ADAMTS1: variants seen among roughly 807,000 people sequenced by gnomAD.
ADAMTS1 encodes ADAM metallopeptidase with thrombospondin type 1 motif 1, also known as A disintegrin and metalloproteinase with thrombospondin motifs 1.
ADAMTS1 carries 19 observed loss-of-function variants against 87.9 expected under a neutral mutation model. The observed-to-expected ratio is 0.22, with a 90% CI of 0.15 to 0.32. ADAMTS1 has a LOEUF of 0.32. ADAMTS1 is among the 10% of genes least tolerant of loss of function. The probability of loss-of-function intolerance (pLI) is 1.00; values close to 1 mark genes in which losing one functional copy is unlikely to be tolerated. For missense variants in ADAMTS1, 1,240 were observed against 1,259.1 expected (o/e 0.98, Z 0.23); for synonymous variants, 542 against 501.8 (o/e 1.08, Z -1.07).
At position 26,841,979 on chromosome 21, in the gene ADAMTS1, C is replaced by T. The variant is rs1192189547; in HGVS notation, c.1089G>A (p.Gly363=). The change falls in exon 3 of 9, where the codon GGG becomes GGA. Residue 363 remains glycine, a synonymous_variant. Coordinates refer to ENST00000284984, the MANE Select transcript of ADAMTS1 (RefSeq NM_006988.5). ...AILFTRQDLC[G]SQTCDTLGMA... ...TCCCAAGAGTATCACATGTCTGGGA[C>T]CCACACAAGTCCTACAAAAAGCAAA... The T allele has an allele frequency of 1.9e-6, 3 of 1,613,826 alleles. No homozygotes were observed. The highest frequency in any genetic ancestry group is 2.5e-6 in the Non-Finnish European group (3 of 1,179,962).
Position 26,841,148 on chromosome 21 carries a change from G to C in ADAMTS1, c.1228C>G (p.Pro410Ala), listed in dbSNP as rs1985485513. ...GCACACTGCTTTGCATCATCATGTG[G>C]CATGTTAAACACGTGGCCTAGGAAG... is the stretch of plus-strand genomic sequence containing the variant. ...AHELGHVFNM[P>A]HDDAKQCASL... is the part of the protein sequence containing the mutation. The change falls in exon 4 of 9, where the codon CCA (proline) becomes GCA (alanine). Residue 410 changes from proline to alanine, a missense_variant. By Grantham distance (27) the Pro-to-Ala change is conservative. Transcript: ENST00000284984. 6.2e-7 allele frequency: 1 copy of C among 1,613,974 alleles called. No individual in the cohort carries two copies. Among genetic ancestry groups the C allele is most frequent in the African/African-American group, 1.3e-5 (1 of 74,906 alleles).
At position 26,837,756 on chromosome 21, in the gene ADAMTS1, G is replaced by A. The variant is rs765508621; in HGVS notation, c.2727C>T (p.Cys909=). The A allele has an allele frequency of 1.9e-6, 3 of 1,614,036 alleles. No homozygotes were observed. Among genetic ancestry groups the A allele is most frequent in the Admixed American group, 1.7e-5 (1 of 60,006 alleles). Reference sequence around the variant, plus strand: ...ACCACTCCCCCAGCTGCCACTGGGGGCAGGGATGGTCTGCACAAGGTCTGG... The same window carrying A: ...ACCACTCCCCCAGCTGCCACTGGGGACAGGGATGGTCTGCACAAGGTCTGG... ...ASTRPCADHP[C]PQWQLGEWSS... Residue 909 remains cysteine (C), a synonymous_variant, in exon 9 of 9, where the codon TGC becomes TGT. Transcript: ENST00000284984.
intron 7 of ADAMTS1, 40 bp from the exon 8 acceptor site, chr21:26,838,654 A>T (rs1985429267): frequency 6.3e-7 from 1 of 1,587,848 alleles, no homozygotes; most frequent in East Asian, 2.2e-5. Flanking sequence ...ATACAAGCAA[A>T]GGAAGGAGAT....
At position 26,844,326 on chromosome 21, in the gene ADAMTS1, T is replaced by A. The variant is rs1309459094; in HGVS notation, c.629A>T (p.Lys210Ile). 6.2e-7 allele frequency: 1 copy of A among 1,608,724 alleles called. No individual in the cohort carries two copies. Among genetic ancestry groups the A allele is most frequent in the Admixed American group, 1.7e-5 (1 of 59,786 alleles). ...TTCGTCCTCGTCTTCGGTCTCCGCT[T>A]TCCCAGTCGGCCGGGGCTCGTCGTC... ...VVDDEPRPTG[K>I]AETEDEDEGT... The change falls in exon 1 of 9, where the codon AAA (lysine) becomes ATA (isoleucine). Residue 210 changes from lysine to isoleucine, a missense_variant. Lys to Ile is a moderately radical substitution (Grantham distance 102). Transcript: ENST00000284984.
rs1344239904 is a variant in ADAMTS1, at chr21:26,841,348, A to G, written c.1211-183T>C. 8.8e-6 allele frequency: 5 copies of G among 570,956 alleles called. No homozygotes were observed. In the East Asian group the frequency reaches 1.6e-4, roughly 18 times the overall value. 35.4% of individuals were successfully genotyped at this position (570,956 alleles called of 1,614,324 possible). ...ACAAAAATTAGCCGGGTGTGGTGGC[A>G]TGCACCTGTAATCCCAGCTACTGGG... On this transcript the variant is annotated intron_variant, in intron 3 of 8. Transcript: ENST00000284984.
chr21:26,842,237 G>T, intron 2 of ADAMTS1, 102 bp downstream of exon 2: 1 of 1,220,536 alleles, frequency 8.2e-7, no homozygotes, highest in Non-Finnish European at 1.1e-6. Context: ...ATTAAAAAAG[G>T]TTAACTGCAA....
At position 26,842,403 on chromosome 21, in the gene ADAMTS1, T is replaced by C. The variant is rs1459213016; in HGVS notation, c.1013A>G (p.Gln338Arg). ...ATCCCGGTCACTGGGTGGGTTGTGC[T>C]GCTTCTGCCAGTTGCAAAAGTTCCG... ...TLRNFCNWQK[Q>R]HNPPSDRDAE... The change falls in exon 2 of 9, where the codon CAG becomes CGG. Residue 338 changes from glutamine (Q) to arginine (R), a missense_variant. Coordinates refer to ENST00000284984, the MANE Select transcript of ADAMTS1 (RefSeq NM_006988.5). 2 of 1,614,210 alleles carry C rather than the reference T, an allele frequency of 1.2e-6. No individual in the cohort carries two copies. Among genetic ancestry groups the C allele is most frequent in the Non-Finnish European group, 1.7e-6 (2 of 1,180,030 alleles).
intron 3 of ADAMTS1, 50 bp from the exon 4 acceptor site, chr21:26,841,215 C>A (rs368126569): frequency 1.3e-6 from 2 of 1,588,830 alleles, no homozygotes; most frequent in Non-Finnish European, 1.7e-6. Flanking sequence ...TGGCTGGGTG[C>A]GGTGGCTCAC....
rs532486365 is a variant in ADAMTS1, at chr21:26,837,944, C to T, written c.2539G>A (p.Glu847Lys). Reference sequence around the variant, plus strand: ...AAAGTGGGGATAGCATTGAAAGATTCCTTCTTCTTCTTTACGAAGTAGGTG... The same window carrying T: ...AAAGTGGGGATAGCATTGAAAGATTTCTTCTTCTTCTTTACGAAGTAGGTG... The part of the protein sequence containing the change: ...KYTYFVKKKK[E>K]SFNAIPTFSA... Residue 847 changes from glutamate (E) to lysine (K), a missense_variant, in exon 9 of 9, where the codon GAA (glutamate) becomes AAA (lysine). This residue lies in a region of ADAMTS1 where 402 missense variants were observed against 399.1 expected (regional missense o/e 1.01). Transcript: ENST00000284984. The T allele has an allele frequency of 1.2e-6, 2 of 1,614,222 alleles. No homozygotes were observed. The highest frequency in any genetic ancestry group is 1.7e-5 in the Admixed American group (1 of 60,014).
intron 1 of ADAMTS1, chr21:26,843,041 A>T: frequency 7.1e-6 from 2 of 280,856 alleles, no homozygotes; most frequent in Non-Finnish European, 1.4e-5. Context: ...GCCCTGAGTC[A>T]CTCTTTCACA....
chr21:26,842,332 C>T lies in ADAMTS1; in HGVS notation c.1077+7G>A, dbSNP rs115684528. 8.9e-4 allele frequency: 1,433 copies of T among 1,612,360 alleles called. 8 individuals carry two copies. The African/African-American group carries it at 0.014, about 15-fold the overall frequency. On this transcript the variant is annotated splice_region_variant and intron_variant, in intron 2 of 8. Coordinates refer to ENST00000284984, the MANE Select transcript of ADAMTS1 (RefSeq NM_006988.5). ...CAGTCTCACAGCTGGTACCATCTTC[C>T]TCTTACCTGTCTGGTGAAAAGAATT...
Position 26,842,622 on chromosome 21 carries a change from A to T in ADAMTS1, c.794T>A (p.Val265Glu). 1 of 1,614,126 alleles carries T rather than the reference A, an allele frequency of 6.2e-7. No homozygotes were observed. The highest frequency in any genetic ancestry group is 8.5e-7 in the Non-Finnish European group (1 of 1,180,036). ...SSHRYVETML[V>E]ADQSMAEFHG... Reference sequence around the variant, plus strand: ...GAATTCTGCCATCGACTGGTCTGCCACAAGCATGGTTTCCACATAGCGGTG... The same window carrying T: ...GAATTCTGCCATCGACTGGTCTGCCTCAAGCATGGTTTCCACATAGCGGTG... The change falls in exon 2 of 9, where the codon GTG becomes GAG. Residue 265 changes from valine (V) to glutamate (E), a missense_variant. Physicochemically the swap from Val to Glu is moderately radical, Grantham distance 121 (BLOSUM62 -2). Coordinates refer to ENST00000284984, the MANE Select transcript of ADAMTS1 (RefSeq NM_006988.5).
rs143875765 is a variant in ADAMTS1, at chr21:26,845,377, G to C, written c.-423C>G. On this transcript the variant is annotated 5_prime_UTR_variant, in exon 1 of 9. Transcript: ENST00000284984. ...GGTAGCGCACCCTGGCTTTGCAATA[G>C]CCCCTGGCTCGGAGCCGCTTTCCAG... The C allele has an allele frequency of 1.0e-3, 168 of 167,100 alleles. 1 individual carries two copies. Among genetic ancestry groups the C allele is most frequent in the Non-Finnish European group, 1.7e-3 (131 of 78,550 alleles). The allele number at this position is 167,100 out of a possible 1,614,324, so 10.4% of individuals were successfully genotyped here.
In ADAMTS1 at chr21:26,844,221, C is replaced by A; in HGVS notation, c.730+4G>T. On this transcript the variant is annotated splice_donor_region_variant and intron_variant, in intron 1 of 8. Coordinates refer to ENST00000284984, the MANE Select transcript of ADAMTS1 (RefSeq NM_006988.5). ...GGACAGACAAACGAGAGCAATTCTT[C>A]TACCTGTGGGCTGTCCTACGCCTTG... 6.5e-7 allele frequency: 1 copy of A among 1,533,404 alleles called. No individual in the cohort carries two copies. Among genetic ancestry groups the A allele is most frequent in the Non-Finnish European group, 8.8e-7 (1 of 1,140,414 alleles). The allele number at this position is 1,533,404 out of a possible 1,614,324, so 95.0% of individuals were successfully genotyped here.
rs893099709 is a variant in ADAMTS1, at chr21:26,838,004, T to G, written c.2479A>C (p.Thr827Pro). The G allele has an allele frequency of 6.2e-7, 1 of 1,614,100 alleles. No individual in the cohort carries two copies. The highest frequency in any genetic ancestry group is 8.5e-7 in the Non-Finnish European group (1 of 1,180,040). Reference protein sequence around the residue: ...LKEPLTIQVLTVGNALRPKIK... With the variant: ...LKEPLTIQVLPVGNALRPKIK... ...TTAGGTCGAAGGGCATTGCCCACAG[T>G]AAGAACCTGGATGGTCAAGGGCTCT... The change falls in exon 9 of 9, where the codon ACT becomes CCT. Residue 827 changes from threonine (T) to proline (P), a missense_variant. Physicochemically the swap from Thr to Pro is conservative, Grantham distance 38 (BLOSUM62 -1). Coordinates refer to ENST00000284984, the MANE Select transcript of ADAMTS1 (RefSeq NM_006988.5).
rs1045449400 is a variant in ADAMTS1 at position 26,837,893 on chromosome 21, C to T, written c.2590G>A (p.Gly864Ser). Residue 864 changes from glycine to serine, a missense_variant, in exon 9 of 9, where the codon GGC becomes AGC. Around this residue, in one of 3 missense-constraint regions of ADAMTS1, gnomAD observed 402 missense variants for 399.1 expected, o/e 1.01. Transcript: ENST00000284984. ...TFSAWVIEEW[G>S]ECSKSCELGW... ...AATTCACATGACTTAGAACATTCGC[C>T]CCACTCTTCAATGACCCATGCTGAA... 2 of 1,614,048 alleles carry T rather than the reference C, an allele frequency of 1.2e-6. No homozygotes were observed. The highest frequency in any genetic ancestry group is 1.3e-5 in the African/African-American group (1 of 74,914).
Position 26,837,660 on chromosome 21 carries a change from C to A in ADAMTS1, c.2823G>T (p.Gly941=). The change falls in exon 9 of 9, where the codon GGG becomes GGT. Residue 941 remains glycine (G), a synonymous_variant. Transcript: ENST00000284984. ...RSLKCLSHDG[G]VLSHESCDPL... ...GATCACAGCTCTCATGAGATAACAC[C>A]CCTCCATCATGGGACAGACACTTCA... 1 of 1,614,112 alleles carries A rather than the reference C, an allele frequency of 6.2e-7. No homozygotes were observed. The highest frequency in any genetic ancestry group is 8.5e-7 in the Non-Finnish European group (1 of 1,180,016).
chr21:26,837,760 G>C lies in ADAMTS1; in HGVS notation c.2723C>G (p.Pro908Arg), dbSNP rs929940945. ...CTCCCCCAGCTGCCACTGGGGGCAG[G>C]GATGGTCTGCACAAGGTCTGGTGCT... ...PASTRPCADHPCPQWQLGEWS... is the reference protein window; with the variant it reads ...PASTRPCADHRCPQWQLGEWS... The change falls in exon 9 of 9, where the codon CCC (proline) becomes CGC (arginine). Residue 908 changes from proline to arginine, a missense_variant. Coordinates refer to ENST00000284984, the MANE Select transcript of ADAMTS1 (RefSeq NM_006988.5). 6.2e-7 allele frequency: 1 copy of C among 1,614,156 alleles called. No homozygotes were observed. Among genetic ancestry groups the C allele is most frequent in the Non-Finnish European group, 8.5e-7 (1 of 1,180,034 alleles).
At chr21:26,841,752 A>G (rs1985498537) in intron 3 of ADAMTS1, 106 bp downstream of exon 3, 4 of 1,286,440 alleles carry the variant, frequency 3.1e-6, no homozygotes, top group Non-Finnish European at 4.2e-6. Context: ...TCTAAGATGC[A>G]CTAGGACCTA....
Sources: allele counts gnomAD v4.1 joint callset, GRCh38; gene constraint gnomAD v4.1.1; regional missense constraint gnomAD v4.1.1; transcripts MANE v1.5; gene names NCBI Gene and HGNC (gene_info 2026-07-23, HGNC 2026-07-21).